SUGCT: variants seen among roughly 807,000 people sequenced by gnomAD.
The protein encoded by SUGCT is succinyl-CoA:glutarate-CoA transferase.
Under a neutral mutation model 55.0 loss-of-function variants are expected in SUGCT, and 41 were observed. The ratio of observed to expected loss-of-function variants is 0.74; its 90% CI spans 0.58 to 0.97. The LOEUF (loss-of-function observed/expected upper bound fraction) is 0.97. SUGCT is among the 50% of genes least tolerant of loss of function. The pLI, the probability that SUGCT is intolerant of heterozygous loss-of-function variation, is 0.00. For missense variants in SUGCT, 568 were observed against 547.8 expected (o/e 1.04, Z -0.37); for synonymous variants, 187 against 200.4 (o/e 0.93, Z 0.56).
chr7:41,027,168 AGAGTTTTAGCCTACG>A, the SUGCT span, among the ~76,000 whole-genome samples: 1 of 152,250 alleles, frequency 6.6e-6, no homozygotes, highest in Non-Finnish European at 1.5e-5. Context: ...AAAGAAGTCC[AGAGTTTTAGCCTACG>A]GCCTTAATGG....
chr7:40,717,534 A>G (rs961653936), intron 12 of SUGCT, among the ~76,000 whole-genome samples: 5 of 152,214 alleles, frequency 3.3e-5, no homozygotes, highest in Non-Finnish European at 7.3e-5. Flanking sequence ...TCATTTGCAC[A>G]AAAGCTTCTG....
chr7:40,817,173 A>AAATAGTAGT (rs776187159), intron 13 of SUGCT, among the ~76,000 whole-genome samples: 11 of 152,216 alleles, frequency 7.2e-5, no homozygotes, highest in Non-Finnish European at 1.5e-4. Context: ...TCCACTCAAA[A>AAATAGTAGT]AATAGTAGTA....
the SUGCT span, among the ~76,000 whole-genome samples, chr7:40,882,843 A>G: frequency 6.6e-6 from 1 of 152,202 alleles, no homozygotes; most frequent in Admixed American, 6.5e-5. Flanking sequence ...TTTTTATTCT[A>G]GGAGCAACAA....
chr7:40,855,026 A>T (rs1324753847), intron 13 of SUGCT, among the ~76,000 whole-genome samples: 3 of 67,646 alleles, frequency 4.4e-5, no homozygotes, highest in African/African-American at 7.5e-5. Context: ...TTTATTCTTT[A>T]AAAAAAAAAA....
chr7:40,838,268 G>A (rs1171756182), intron 13 of SUGCT, among the ~76,000 whole-genome samples: 3 of 152,068 alleles, frequency 2.0e-5, no homozygotes, highest in Non-Finnish European at 2.9e-5. Context: ...TTTAGAATAG[G>A]CTTATCTGTG....
At chr7:40,825,876 C>T (rs548276561) in intron 13 of SUGCT, among the ~76,000 whole-genome samples, 1 of 152,282 alleles carries the variant, frequency 6.6e-6, no homozygotes, top group South Asian at 2.1e-4. Context: ...GTAGGAATAC[C>T]TACATGCCCG....
intron 12 of SUGCT, among the ~76,000 whole-genome samples, chr7:40,561,371 TTCATCTGAAATTGGAGAACTGGG>T (rs1413161586): frequency 6.6e-6 from 1 of 152,204 alleles, no homozygotes. Flanking sequence ...AAGAATGTAT[TTCATCTGAAATTGGAGAACTGGG>T]TTGCATCTCA....
intron 13 of SUGCT, among the ~76,000 whole-genome samples, chr7:40,796,132 C>A (rs780651294): frequency 4.9e-4 from 74 of 152,030 alleles, no homozygotes; most frequent in Admixed American, 4.6e-4. Context: ...ACAACAAATA[C>A]CTTTCAGGAA....
chr7:40,245,559 C>T (rs1789812740), intron 7 of SUGCT, among the ~76,000 whole-genome samples: 1 of 146,064 alleles, frequency 6.8e-6, no homozygotes, highest in Non-Finnish European at 1.5e-5. Flanking sequence ...CCTGTCTCAG[C>T]CTCCCGAGTA....
chr7:40,632,825 A>C (rs1408853363), intron 12 of SUGCT, among the ~76,000 whole-genome samples: 1 of 152,158 alleles, frequency 6.6e-6, no homozygotes, highest in Non-Finnish European at 1.5e-5. Flanking sequence ...AGTTCACTTG[A>C]AATTGAAGTG....
intron 8 of SUGCT, 56 bp from the exon 9 acceptor site, chr7:40,316,704 A>G (rs1275690937): frequency 8.8e-7 from 1 of 1,137,272 alleles, no homozygotes; most frequent in East Asian, 2.6e-5. Flanking sequence ...CGTTCTCTTT[A>G]TGAGTATAGA....
chr7:40,664,796 C>A (rs1354191134), intron 12 of SUGCT, among the ~76,000 whole-genome samples: 2 of 151,412 alleles, frequency 1.3e-5, no homozygotes, highest in Middle Eastern at 3.4e-3. Flanking sequence ...CTGGCTAACA[C>A]GGTGAAACCC....
chr7:40,506,489 A>G (rs113353661), intron 12 of SUGCT, among the ~76,000 whole-genome samples: 307 of 152,214 alleles, frequency 2.0e-3, no homozygotes, highest in African/African-American at 6.9e-3. Flanking sequence ...TGGTTCTATT[A>G]ACAGTTAATC....
intron 9 of SUGCT, among the ~76,000 whole-genome samples, chr7:40,392,255 C>G (rs1785476336): frequency 6.6e-6 from 1 of 152,088 alleles, no homozygotes; most frequent in Non-Finnish European, 1.5e-5. Flanking sequence ...GCACGTTGTG[C>G]ACACGTACCC....
At chr7:40,773,779 G>A (rs991940324) in intron 13 of SUGCT, among the ~76,000 whole-genome samples, 2 of 152,140 alleles carry the variant, frequency 1.3e-5, no homozygotes, top group African/African-American at 4.8e-5. Flanking sequence ...CACCCCCATG[G>A]AGAAAGTTGA....
At chr7:40,846,679 G>A (rs1310049808) in intron 13 of SUGCT, among the ~76,000 whole-genome samples, 1 of 152,130 alleles carries the variant, frequency 6.6e-6, no homozygotes, top group Non-Finnish European at 1.5e-5. Context: ...ATACAGTACT[G>A]CTTTATAACA....
chr7:40,509,551 C>T (rs1792806979), intron 12 of SUGCT, among the ~76,000 whole-genome samples: 1 of 152,126 alleles, frequency 6.6e-6, no homozygotes, highest in Non-Finnish European at 1.5e-5. Flanking sequence ...AGCGGGTAGG[C>T]AAATGAACAA....
At chr7:40,480,732 GA>G (rs1483956204) in intron 11 of SUGCT, among the ~76,000 whole-genome samples, 3 of 151,918 alleles carry the variant, frequency 2.0e-5, no homozygotes, top group Non-Finnish European at 4.4e-5. Flanking sequence ...TTTTCTGGTT[GA>G]TTTTTTTTCC....
the SUGCT span, among the ~76,000 whole-genome samples, chr7:40,924,647 C>T: frequency 6.6e-6 from 1 of 152,172 alleles, no homozygotes; most frequent in Non-Finnish European, 1.5e-5. Context: ...AGGACCTCAG[C>T]TCTCTCCTTC....
Sources: allele counts gnomAD v4.1 joint callset (sites outside exome capture counted in the v4.1 genomes callset), GRCh38; gene constraint gnomAD v4.1.1; transcripts MANE v1.5; gene names NCBI Gene and HGNC (gene_info 2026-07-23, HGNC 2026-07-21).